The following ARHGEF3 variants were observed in gnomAD, a reference collection of about 807,000 sequenced individuals.
The protein encoded by ARHGEF3 is 59.8 kDA protein.
In ARHGEF3, 28 loss-of-function variants were observed where a neutral mutation model predicts 63.2. The ratio of observed to expected loss-of-function variants is 0.44; its 90% CI spans 0.33 to 0.61. The LOEUF is 0.61. ARHGEF3 is among the 20% of genes least tolerant of loss of function. The pLI is 0.03. For synonymous variants in ARHGEF3, 266 were observed against 254.2 expected, an observed-to-expected ratio of 1.05 and a Z score of -0.44; for missense variants, 533 against 659.3, an observed-to-expected ratio of 0.81 and a Z score of 2.10.
At chr3:56,859,793 C>A (rs1248141445) in intron 4 of ARHGEF3, among the ~76,000 whole-genome samples, 1 of 151,640 alleles carries the variant, frequency 6.6e-6, no homozygotes, top group African/African-American at 2.4e-5. Flanking sequence ...CCACCTCGGT[C>A]TCCCAAAGTG....
At chr3:56,912,966 G>C (rs938441019) in intron 3 of ARHGEF3, among the ~76,000 whole-genome samples, 6 of 151,990 alleles carry the variant, frequency 3.9e-5, no homozygotes, top group Non-Finnish European at 5.9e-5. Context: ...TGCAATACCT[G>C]GTCTTGACAA....
chr3:56,789,237 A>C (rs561401506), intron 1 of ARHGEF3, among the ~76,000 whole-genome samples: 13 of 152,338 alleles, frequency 8.5e-5, no homozygotes, highest in African/African-American at 3.1e-4. Context: ...ATTCAAACTC[A>C]GTTCAGGCTG....
chr3:56,825,257 C>T (rs1452442388), intron 4 of ARHGEF3, among the ~76,000 whole-genome samples: 2 of 152,256 alleles, frequency 1.3e-5, no homozygotes, highest in Non-Finnish European at 2.9e-5. Context: ...ACAAAGTAGC[C>T]ATGCCACTCC....
At chr3:57,064,626 A>C (rs1705424245) in intron 1 of ARHGEF3, among the ~76,000 whole-genome samples, 1 of 152,238 alleles carries the variant, frequency 6.6e-6, no homozygotes, top group African/African-American at 2.4e-5. Flanking sequence ...GGAAATTCTG[A>C]CACATGTTAC....
intron 1 of ARHGEF3, among the ~76,000 whole-genome samples, chr3:57,050,678 G>A (rs1009542837): frequency 1.3e-5 from 2 of 152,170 alleles, no homozygotes; most frequent in Non-Finnish European, 2.9e-5. Context: ...AAGGGAGCAA[G>A]GATGTAAGCC....
chr3:56,793,344 T>C (rs139394272), intron 1 of ARHGEF3, among the ~76,000 whole-genome samples: 2 of 152,324 alleles, frequency 1.3e-5, no homozygotes, highest in East Asian at 3.9e-4. Flanking sequence ...TAATTTTTTG[T>C]ATTTTTAGTA....
At chr3:56,864,170 C>T (rs1243662275) in intron 4 of ARHGEF3, among the ~76,000 whole-genome samples, 1 of 152,206 alleles carries the variant, frequency 6.6e-6, no homozygotes, top group African/African-American at 2.4e-5. Context: ...TAACACATCC[C>T]CTTCCTAGTG....
chr3:56,737,816 C>T (rs1381974326), intron 7 of ARHGEF3, among the ~76,000 whole-genome samples: 2 of 152,096 alleles, frequency 1.3e-5, no homozygotes, highest in Non-Finnish European at 2.9e-5. Flanking sequence ...TCTATATGTA[C>T]TCAATCTAAT....
intron 2 of ARHGEF3, among the ~76,000 whole-genome samples, chr3:57,027,935 C>G: frequency 6.6e-6 from 1 of 152,292 alleles, no homozygotes. Context: ...ACTTTAGAAC[C>G]CTTTTTCCCT....
At chr3:57,025,868 G>A (rs1271359580) in intron 2 of ARHGEF3, among the ~76,000 whole-genome samples, 1 of 152,156 alleles carries the variant, frequency 6.6e-6, no homozygotes, top group South Asian at 2.1e-4. Context: ...TAGAGAAGAC[G>A]ATTCCTCCTA....
intron 1 of ARHGEF3, among the ~76,000 whole-genome samples, chr3:56,792,159 T>C (rs2037121673): frequency 6.6e-6 from 1 of 150,410 alleles, no homozygotes; most frequent in African/African-American, 2.5e-5. Flanking sequence ...AACTGACTAC[T>C]ATCTGAACAA....
chr3:56,849,384 G>T (rs1276777044), intron 4 of ARHGEF3, among the ~76,000 whole-genome samples: 4 of 152,162 alleles, frequency 2.6e-5, no homozygotes, highest in African/African-American at 9.7e-5. Flanking sequence ...ACAGCTTAGT[G>T]ATAGTCTCTG....
chr3:57,024,859 A>G (rs918976693), intron 2 of ARHGEF3, among the ~76,000 whole-genome samples: 4 of 152,244 alleles, frequency 2.6e-5, no homozygotes, highest in African/African-American at 7.2e-5. Flanking sequence ...TAATATCTCA[A>G]TCTGATCTAA....
At chr3:56,881,321 C>T (rs904770624) in intron 4 of ARHGEF3, among the ~76,000 whole-genome samples, 2 of 152,082 alleles carry the variant, frequency 1.3e-5, no homozygotes, top group South Asian at 2.1e-4. Flanking sequence ...CAGAGGAGAG[C>T]GAGCACGGCC....
intron 2 of ARHGEF3, among the ~76,000 whole-genome samples, chr3:57,006,284 T>A (rs1346479317): frequency 6.6e-6 from 1 of 152,042 alleles, no homozygotes; most frequent in Non-Finnish European, 1.5e-5. Context: ...CCAGGGGAGC[T>A]CCCAGCTGTC....
intron 4 of ARHGEF3, among the ~76,000 whole-genome samples, chr3:56,856,837 C>T (rs1227109817): frequency 6.6e-6 from 1 of 151,580 alleles, no homozygotes; most frequent in East Asian, 1.9e-4. Context: ...GCTCTGCCTC[C>T]CAAGATGAAC....
At chr3:57,039,812 T>C (rs1471404607) in intron 1 of ARHGEF3, among the ~76,000 whole-genome samples, 1 of 152,180 alleles carries the variant, frequency 6.6e-6, no homozygotes, top group African/African-American at 2.4e-5. Flanking sequence ...ATAGGAATCC[T>C]TGTGACTACA....
At chr3:57,061,798 T>C (rs1705236622) in intron 1 of ARHGEF3, among the ~76,000 whole-genome samples, 1 of 152,206 alleles carries the variant, frequency 6.6e-6, no homozygotes, top group South Asian at 2.1e-4. Context: ...TATTAACTCA[T>C]TTAGTCCTGA....
At chr3:56,810,819 A>T (rs2038037380) in intron 4 of ARHGEF3, among the ~76,000 whole-genome samples, 1 of 152,206 alleles carries the variant, frequency 6.6e-6, no homozygotes, top group Admixed American at 6.5e-5. Context: ...AATGAATTGG[A>T]ATCTTTGGCA....
Sources: gnomAD v4.1 joint callset for allele counts (sites outside exome capture counted in the v4.1 genomes callset) on GRCh38, gnomAD v4.1.1 for gene constraint, MANE v1.5 for transcripts, NCBI Gene and HGNC (gene_info 2026-07-23, HGNC 2026-07-21) for gene names.